Variants in PCDHA4 observed in about 807,000 individuals in gnomAD.
The protein encoded by PCDHA4 is protocadherin alpha-4.
PCDHA4 carries 49 observed loss-of-function variants against 61.4 expected under a neutral mutation model. The ratio of observed to expected loss-of-function variants is 0.80; its 90% CI spans 0.63 to 1.01. PCDHA4 has a LOEUF of 1.01. PCDHA4 is among the 50% of genes least tolerant of loss of function. The pLI is 0.00. For missense variants in PCDHA4, 1,254 were observed against 1,235.8 expected (o/e 1.01, Z -0.22); for synonymous variants, 590 against 550.3 (o/e 1.07, Z -1.01).
At chr5:140,818,094 G>C (rs1213781361) in intron 1 of PCDHA4, among the ~76,000 whole-genome samples, 7 of 151,990 alleles carry the variant, frequency 4.6e-5, no homozygotes, top group Non-Finnish European at 1.0e-4. Flanking sequence ...TATATCTGTG[G>C]GTTGATAATA....
chr5:140,870,310 T>G, intron 1 of PCDHA4: 1 of 1,614,122 alleles, frequency 6.2e-7, no homozygotes, highest in South Asian at 1.1e-5. Flanking sequence ...CTTCAAGAAT[T>G]ACTACTCGTT....
intron 1 of PCDHA4, chr5:140,868,741 A>G: frequency 4.8e-6 from 1 of 208,168 alleles, no homozygotes; most frequent in South Asian, 1.1e-4. Flanking sequence ...GAGAAATACA[A>G]TGCCATTTCC....
chr5:140,849,800 G>A, intron 1 of PCDHA4: 1 of 1,598,514 alleles, frequency 6.3e-7, no homozygotes, highest in African/African-American at 1.3e-5. Context: ...CGCCTTCACT[G>A]TGGGCCACGG....
chr5:140,842,293 C>T, intron 1 of PCDHA4: 1 of 1,609,994 alleles, frequency 6.2e-7, no homozygotes, highest in South Asian at 1.1e-5. Flanking sequence ...ACGCCACGGA[C>T]AAAGGCCATC....
rs782072957 is a variant in PCDHA4, at chr5:140,870,352, G to A, written c.2385+60780G>A. ...GGACAGCGCCCTGGACCGCGAGAAC[G>A]TGTGGGCCTATGAACTGGTGGTGAC... On this transcript the variant is annotated intron_variant, in intron 1 of 3. Coordinates refer to ENST00000530339, the MANE Select transcript of PCDHA4 (RefSeq NM_018907.4). 36 of 1,614,108 alleles carry A rather than the reference G, an allele frequency of 2.2e-5. No homozygotes were observed. In the South Asian group the frequency reaches 3.2e-4, roughly 14 times the overall value.
intron 1 of PCDHA4, chr5:140,830,203 C>T: frequency 6.2e-7 from 1 of 1,613,778 alleles, no homozygotes; most frequent in Non-Finnish European, 8.5e-7. Context: ...TCATCGCCAT[C>T]TGCGCGGTAT....
rs2150532197 is a variant in PCDHA4, at chr5:140,853,456, T to A, written c.2385+43884T>A. 114 of 975,538 alleles carry A rather than the reference T, an allele frequency of 1.2e-4. 11 individuals are homozygous for A. The Admixed American group carries it at 6.5e-3, about 55-fold the overall frequency. The allele number at this position is 975,538 out of a possible 1,614,324, so 60.4% of individuals were successfully genotyped here. A position where few individuals can be genotyped will look rare whatever the true frequency, so the allele number is the denominator to read the frequency against. ...TCCTATTTTGCCTAATAGGTCTCCT[T>A]ATATGCATCTGTAGTTAACATTCCT... On this transcript the variant is annotated intron_variant, in intron 1 of 3. Transcript: ENST00000530339.
chr5:140,822,242 C>G, intron 1 of PCDHA4: 1 of 1,614,156 alleles, frequency 6.2e-7, no homozygotes, highest in Non-Finnish European at 8.5e-7. Context: ...CTAGAGGGCG[C>G]GTCGGATTTG....
chr5:140,836,508 A>C, intron 1 of PCDHA4: 1 of 1,613,830 alleles, frequency 6.2e-7, no homozygotes, highest in Non-Finnish European at 8.5e-7. Context: ...CGCGGTGTCC[A>C]GTCTGTTGGT....
intron 1 of PCDHA4, among the ~76,000 whole-genome samples, chr5:140,886,698 C>A (rs578140955): frequency 2.0e-5 from 3 of 151,820 alleles, no homozygotes; most frequent in Non-Finnish European, 4.4e-5. Flanking sequence ...TGGTGGCACG[C>A]GCCTGTAATC....
chr5:140,905,991 G>C (rs1377300111), intron 1 of PCDHA4, among the ~76,000 whole-genome samples: 1 of 152,156 alleles, frequency 6.6e-6, no homozygotes, highest in Non-Finnish European at 1.5e-5. Flanking sequence ...AAAGATGTAG[G>C]CTGGGAGGCT....
intron 1 of PCDHA4, among the ~76,000 whole-genome samples, chr5:140,838,073 ATATAGTGTGTGTGT>A (rs1473657984): frequency 0.018 from 2,264 of 126,808 alleles, 40 homozygotes; most frequent in Admixed American, 0.045. Context: ...AGTTATATAT[ATATAGTGTGTGTGT>A]GTGTGTGTGT....
intron 1 of PCDHA4, among the ~76,000 whole-genome samples, chr5:140,923,065 TCTC>T: frequency 6.6e-6 from 1 of 152,304 alleles, no homozygotes; most frequent in Non-Finnish European, 1.5e-5. Context: ...AAGAGCTAGG[TCTC>T]CTCATGTCAG....
In PCDHA4 at chr5:140,958,013, G is replaced by A. The variant is rs553596138; in HGVS notation, c.2386-20936G>A. 2.6e-5 allele frequency among the ~76,000 whole-genome samples: 4 copies of A among 152,110 alleles called. No individual in the cohort carries two copies. In the South Asian group the frequency reaches 8.3e-4, roughly 32 times the overall value. On this transcript the variant is annotated intron_variant, in intron 1 of 3. Coordinates refer to ENST00000530339, the MANE Select transcript of PCDHA4 (RefSeq NM_018907.4). ...CAGATTTTTTGTTTCAATTCTATCA[G>A]CCAAGTATACTATGCTTTCTTTGCT...
intron 3 of PCDHA4, among the ~76,000 whole-genome samples, chr5:141,007,846 A>G (rs1368916424): frequency 6.6e-6 from 1 of 152,176 alleles, no homozygotes. Flanking sequence ...TAGAGACTCA[A>G]AGTCCTTAAA....
intron 1 of PCDHA4, among the ~76,000 whole-genome samples, chr5:140,915,245 C>T (rs1366061257): frequency 2.0e-5 from 3 of 152,088 alleles, no homozygotes; most frequent in Non-Finnish European, 4.4e-5. Flanking sequence ...CCATGCCTGG[C>T]CAGGTTGTTA....
intron 3 of PCDHA4, among the ~76,000 whole-genome samples, chr5:140,994,709 A>C (rs1436733940): frequency 6.6e-6 from 1 of 152,166 alleles, no homozygotes; most frequent in Non-Finnish European, 1.5e-5. Flanking sequence ...TGTCTCAAAA[A>C]AAAATTTAAA....
At chr5:140,906,963 G>C (rs150934602) in intron 1 of PCDHA4, among the ~76,000 whole-genome samples, 2 of 152,216 alleles carry the variant, frequency 1.3e-5, no homozygotes, top group African/African-American at 4.8e-5. Context: ...TAATGGAATC[G>C]TGGTTGTGTC....
At chr5:140,927,651 C>A in intron 1 of PCDHA4, 2 of 1,614,216 alleles carry the variant, frequency 1.2e-6, no homozygotes, top group Non-Finnish European at 1.7e-6. Context: ...CTGTGTTATT[C>A]CGAGTTCAAG....
Sources: allele counts gnomAD v4.1 joint callset (sites outside exome capture counted in the v4.1 genomes callset), GRCh38; gene constraint gnomAD v4.1.1; transcripts MANE v1.5; gene names NCBI Gene and HGNC (gene_info 2026-07-23, HGNC 2026-07-21).